Variants in ATG3 observed in about 807,000 individuals in gnomAD.
ATG3 encodes autophagy related 3.
ATG3 carries 25 observed loss-of-function variants against 50.7 expected under a neutral mutation model. That is an observed-to-expected ratio of 0.49 (90% CI 0.36 to 0.69). ATG3 has a LOEUF of 0.69. Ranked by LOEUF, ATG3 falls within the 30% of genes least tolerant of loss-of-function variation. ATG3 has a pLI of 0.00. For synonymous variants in ATG3, 119 were observed against 125.5 expected (o/e 0.95, Z 0.34); for missense variants, 281 against 376.0 (o/e 0.75, Z 2.09).
chr3:112,561,624 T>A lies in ATG3; in HGVS notation c.-96A>T. On this transcript the variant is annotated 5_prime_UTR_variant, in exon 1 of 12. Transcript: ENST00000283290. ...AGAAAATGTCCTCGCTGCCACCGAC[T>A]CGCATCAGCACCCGGCTGGCAGCAC... 7.8e-7 allele frequency: 1 copy of A among 1,275,422 alleles called. No individual in the cohort carries two copies. Among genetic ancestry groups the A allele is most frequent in the Non-Finnish European group, 1.1e-6 (1 of 914,620 alleles). The allele number at this position is 1,275,422 out of a possible 1,614,324, so 79.0% of individuals were successfully genotyped here.
intron 1 of ATG3, among the ~76,000 whole-genome samples, chr3:112,560,546 T>C (rs1308478550): frequency 2.0e-5 from 3 of 152,202 alleles, no homozygotes; most frequent in Middle Eastern, 6.8e-3. Context: ...CACACTGAGA[T>C]TGGTACATTC....
At chr3:112,561,381 G>A in intron 1 of ATG3, 76 bp downstream of exon 1, 1 of 1,481,122 alleles carries the variant, frequency 6.8e-7, no homozygotes, top group Non-Finnish European at 9.4e-7. Context: ...GGAGAAAGCG[G>A]GGACTCCTGC....
intron 4 of ATG3, among the ~76,000 whole-genome samples, chr3:112,549,862 C>G (rs925266691): frequency 6.7e-6 from 1 of 148,638 alleles, no homozygotes. Flanking sequence ...AATGACACAA[C>G]GGATAATAAC....
chr3:112,559,644 CT>C (rs1244738321), intron 1 of ATG3, among the ~76,000 whole-genome samples: 6 of 152,304 alleles, frequency 3.9e-5, no homozygotes, highest in African/African-American at 1.4e-4. Flanking sequence ...TGCCATAAGG[CT>C]GTTAAGTGCG....
chr3:112,547,678 T>A (rs980971092), intron 5 of ATG3, among the ~76,000 whole-genome samples: 1 of 152,230 alleles, frequency 6.6e-6, no homozygotes, highest in Non-Finnish European at 1.5e-5. Flanking sequence ...TATAAAAACC[T>A]TGCATTCAAC....
rs1433264129 is a variant in ATG3 at position 112,561,654 on chromosome 3, G to A, written c.-126C>T. On this transcript the variant is annotated 5_prime_UTR_variant, in exon 1 of 12. Coordinates refer to ENST00000283290, the MANE Select transcript of ATG3 (RefSeq NM_022488.5). ...TCAGCACCCGGCTGGCAGCACCCGA[G>A]GGGACGGGACGCGACGCGACGGGAC... 8.1e-6 allele frequency: 8 copies of A among 988,380 alleles called. No individual in the cohort carries two copies. The highest frequency in any genetic ancestry group is 5.6e-5 in the East Asian group (2 of 35,820). 61.2% of individuals were successfully genotyped at this position (988,380 alleles called of 1,614,324 possible).
At chr3:112,539,251 C>T (rs1933159074) in intron 7 of ATG3, among the ~76,000 whole-genome samples, 1 of 151,874 alleles carries the variant, frequency 6.6e-6, no homozygotes, top group South Asian at 2.1e-4. Flanking sequence ...AAACAAAACC[C>T]TCCAATGGCT....
chr3:112,561,688 C>A lies in ATG3; in HGVS notation c.-160G>T. The A allele has an allele frequency of 1.4e-6, 1 of 703,640 alleles. No homozygotes were observed. Among genetic ancestry groups the A allele is most frequent in the South Asian group, 1.9e-5 (1 of 52,396 alleles). The allele number at this position is 703,640 out of a possible 1,614,324, so 43.6% of individuals were successfully genotyped here. ...ACGCGACGCGACGGGACGGGCGGGA[C>A]GAGGGGGCGGGGCGGCAGGCACAGC... On this transcript the variant is annotated 5_prime_UTR_variant, in exon 1 of 12. Coordinates refer to ENST00000283290, the MANE Select transcript of ATG3 (RefSeq NM_022488.5).
intron 4 of ATG3, among the ~76,000 whole-genome samples, chr3:112,549,606 C>T (rs571941546): frequency 3.2e-4 from 48 of 152,040 alleles, no homozygotes; most frequent in African/African-American, 1.1e-3. Context: ...GTCAGGAGGT[C>T]GAGACCAGCC....
intron 11 of ATG3, chr3:112,533,690 T>C: frequency 3.0e-6 from 3 of 985,414 alleles, no homozygotes; most frequent in Non-Finnish European, 3.6e-6. Flanking sequence ...TGAGTACATG[T>C]ACTTTAGGAT....
intron 7 of ATG3, among the ~76,000 whole-genome samples, chr3:112,539,125 T>C (rs999374518): frequency 2.6e-5 from 4 of 152,176 alleles, no homozygotes; most frequent in African/African-American, 4.8e-5. Context: ...CCACCATCAT[T>C]TCTTGCCTAG....
chr3:112,541,101 C>T (rs1377024611), intron 7 of ATG3, among the ~76,000 whole-genome samples: 1 of 151,964 alleles, frequency 6.6e-6, no homozygotes, highest in Non-Finnish European at 1.5e-5. Context: ...TTCAAAAGGC[C>T]CCATTAGCCA....
In ATG3 at chr3:112,538,193, A is replaced by C; in HGVS notation, c.476-13T>G. The C allele has an allele frequency of 6.4e-7, 1 of 1,565,544 alleles. No individual in the cohort carries two copies. Among genetic ancestry groups the C allele is most frequent in the Non-Finnish European group, 8.7e-7 (1 of 1,150,648 alleles). ...CTCTCTTCATATTCTGTTATAAAAA[A>C]ACAACAAAAGATTAATCAAGTTCAA... On this transcript the variant is annotated splice_polypyrimidine_tract_variant and intron_variant, in intron 7 of 11. Transcript: ENST00000283290.
At chr3:112,555,788 T>C (rs1429036148) in intron 2 of ATG3, among the ~76,000 whole-genome samples, 1 of 152,238 alleles carries the variant, frequency 6.6e-6, no homozygotes, top group Non-Finnish European at 1.5e-5. Context: ...CATTATGTAA[T>C]AGACAGCCAG....
chr3:112,556,339 C>G (rs1433654611), intron 2 of ATG3, among the ~76,000 whole-genome samples: 26 of 151,980 alleles, frequency 1.7e-4, no homozygotes, highest in Non-Finnish European at 3.2e-4. Context: ...CTCTGCCCGG[C>G]CGCCCCTACT....
intron 1 of ATG3, among the ~76,000 whole-genome samples, chr3:112,561,056 CTT>C (rs1933850575): frequency 6.6e-6 from 1 of 152,244 alleles, no homozygotes; most frequent in African/African-American, 2.4e-5. Context: ...CCTCAGGTCT[CTT>C]TTGACCTCTG....
chr3:112,557,055 A>G (rs1312571494), intron 2 of ATG3, among the ~76,000 whole-genome samples: 2 of 152,172 alleles, frequency 1.3e-5, no homozygotes, highest in African/African-American at 4.8e-5. Flanking sequence ...TAGGTCTAGA[A>G]GGCAGGTCTC....
At chr3:112,534,883 T>C (rs1932981778) in intron 10 of ATG3, 1 of 151,990 alleles carries the variant, frequency 6.6e-6, no homozygotes, top group Admixed American at 6.6e-5. Flanking sequence ...AAGCCAAAAC[T>C]GAGAGGGTTT....
At chr3:112,559,974 A>G (rs960757352) in intron 1 of ATG3, among the ~76,000 whole-genome samples, 1 of 152,224 alleles carries the variant, frequency 6.6e-6, no homozygotes, top group Non-Finnish European at 1.5e-5. Flanking sequence ...TTCTCTCTGT[A>G]AACAACAGTT....
Sources: gnomAD v4.1 joint callset for allele counts (sites outside exome capture counted in the v4.1 genomes callset) on GRCh38, gnomAD v4.1.1 for gene constraint, MANE v1.5 for transcripts, NCBI Gene and HGNC (gene_info 2026-07-23, HGNC 2026-07-21) for gene names.